The following CSMD1 variants were observed in gnomAD, a reference collection of about 807,000 sequenced individuals.
The protein encoded by CSMD1 is CUB and Sushi multiple domains 1.
A neutral mutation model predicts 417.5 loss-of-function variants in CSMD1; 213 were observed. The ratio of observed to expected loss-of-function variants is 0.51; its 90% confidence interval spans 0.46 to 0.57. The LOEUF is 0.57. Ranked by LOEUF, CSMD1 falls within the 20% of genes least tolerant of loss-of-function variation. The pLI is 0.00. For missense variants in CSMD1, 6,923 were observed against 4,529.7 expected, an observed-to-expected ratio of 1.53 and a Z score of -15.17; for synonymous variants, 2,862 against 1,736.8, an observed-to-expected ratio of 1.65 and a Z score of -16.11.
intron 3 of CSMD1, among the ~76,000 whole-genome samples, chr8:4,224,062 C>G (rs1490220471): frequency 2.0e-5 from 3 of 152,084 alleles, no homozygotes; most frequent in Admixed American, 6.5e-5. Flanking sequence ...CCTACTCAAA[C>G]AGGGCTAAAG....
intron 3 of CSMD1, among the ~76,000 whole-genome samples, chr8:4,364,340 G>A (rs1801946524): frequency 2.0e-5 from 3 of 152,202 alleles, no homozygotes; most frequent in South Asian, 4.1e-4. Flanking sequence ...AAAATAAAGA[G>A]AAATCTTACC....
intron 1 of CSMD1, among the ~76,000 whole-genome samples, chr8:4,937,725 G>A (rs765293703): frequency 3.3e-5 from 5 of 152,074 alleles, no homozygotes; most frequent in Admixed American, 1.3e-4. Context: ...CTTTACGCCT[G>A]AGCAGAGTAA....
intron 2 of CSMD1, among the ~76,000 whole-genome samples, chr8:4,576,545 C>A (rs935723500): frequency 1.3e-5 from 2 of 152,322 alleles, no homozygotes; most frequent in African/African-American, 4.8e-5. Flanking sequence ...GACTGTCTCT[C>A]ACCTTTTTTG....
chr8:4,298,847 T>C lies in CSMD1; in HGVS notation c.415+121106A>G, dbSNP rs540571634. On this transcript the variant is annotated intron_variant, in intron 3 of 69. Transcript: ENST00000635120. ...TTAAAGTATAATAAAAAATTATTTCTGGAAATACTGGTATAATTCTTTAAT... is the reference window on the plus strand; with the variant it reads ...TTAAAGTATAATAAAAAATTATTTCCGGAAATACTGGTATAATTCTTTAAT... Among the ~76,000 whole-genome samples the C allele has an allele frequency of 2.0e-5, 3 of 152,174 alleles. No homozygotes were observed. In the East Asian group the frequency reaches 5.8e-4, roughly 29 times the overall value.
chr8:4,343,747 T>C (rs1156872720), intron 3 of CSMD1, among the ~76,000 whole-genome samples: 1 of 152,058 alleles, frequency 6.6e-6, no homozygotes, highest in Non-Finnish European at 1.5e-5. Flanking sequence ...ATCATCTTGA[T>C]GTGTGCACTG....
At chr8:4,777,753 G>A (rs558726632) in intron 1 of CSMD1, among the ~76,000 whole-genome samples, 1 of 152,206 alleles carries the variant, frequency 6.6e-6, no homozygotes, top group East Asian at 1.9e-4. Context: ...TGTAATACAT[G>A]CACATGTATC....
At chr8:3,976,311 A>G (rs898500416) in intron 5 of CSMD1, among the ~76,000 whole-genome samples, 3 of 152,092 alleles carry the variant, frequency 2.0e-5, no homozygotes, top group Non-Finnish European at 4.4e-5. Context: ...TTTTTTTCTC[A>G]TAGAGTCAAT....
chr8:3,120,251 G>A (rs1817120567), intron 41 of CSMD1, among the ~76,000 whole-genome samples: 1 of 152,046 alleles, frequency 6.6e-6, no homozygotes, highest in African/African-American at 2.4e-5. Flanking sequence ...GATTACTCAG[G>A]GATTAGATTT....
intron 50 of CSMD1, among the ~76,000 whole-genome samples, chr8:3,043,397 A>G (rs918719379): frequency 2.6e-5 from 4 of 152,114 alleles, no homozygotes; most frequent in Non-Finnish European, 4.4e-5. Flanking sequence ...ATAGGTTTCT[A>G]TGACCTATAA....
intron 3 of CSMD1, among the ~76,000 whole-genome samples, chr8:4,212,097 A>C (rs901470394): frequency 6.6e-6 from 1 of 151,866 alleles, no homozygotes; most frequent in African/African-American, 2.4e-5. Flanking sequence ...ACGGAACGTA[A>C]AAGTCATGAT....
chr8:4,342,018 G>A (rs1346338475), intron 3 of CSMD1, among the ~76,000 whole-genome samples: 1 of 152,062 alleles, frequency 6.6e-6, no homozygotes, highest in East Asian at 1.9e-4. Context: ...TTAAGACTTG[G>A]TCTCAAGATA....
At chr8:4,231,540 A>G (rs941837204) in intron 3 of CSMD1, among the ~76,000 whole-genome samples, 1 of 152,172 alleles carries the variant, frequency 6.6e-6, no homozygotes, top group Non-Finnish European at 1.5e-5. Context: ...TTTTGGTGTT[A>G]AAGGCTAAGC....
intron 12 of CSMD1, among the ~76,000 whole-genome samples, chr8:3,462,065 G>C (rs751010017): frequency 6.6e-6 from 1 of 152,074 alleles, no homozygotes; most frequent in Non-Finnish European, 1.5e-5. Flanking sequence ...ACCAGTGCTA[G>C]TGCTGGGCTG....
At chr8:4,854,752 C>G (rs181770021) in intron 1 of CSMD1, among the ~76,000 whole-genome samples, 19 of 152,284 alleles carry the variant, frequency 1.2e-4, no homozygotes, top group African/African-American at 4.3e-4. Context: ...ACACCTGGCT[C>G]GGAGGGTCCT....
chr8:4,951,293 C>T (rs891984405), intron 1 of CSMD1, among the ~76,000 whole-genome samples: 4 of 152,118 alleles, frequency 2.6e-5, no homozygotes, highest in African/African-American at 7.2e-5. Flanking sequence ...AAATTGTTCA[C>T]GCTCAGTCTT....
intron 3 of CSMD1, among the ~76,000 whole-genome samples, chr8:4,107,811 G>A (rs1456301622): frequency 1.3e-5 from 2 of 152,176 alleles, no homozygotes; most frequent in Non-Finnish European, 2.9e-5. Flanking sequence ...GGCAATCTGA[G>A]CCTGCTTTAT....
intron 3 of CSMD1, among the ~76,000 whole-genome samples, chr8:4,324,643 C>G (rs953893862): frequency 1.3e-5 from 2 of 152,168 alleles, no homozygotes; most frequent in Non-Finnish European, 2.9e-5. Flanking sequence ...AGAAAACAAA[C>G]AAACACTGCT....
intron 1 of CSMD1, among the ~76,000 whole-genome samples, chr8:4,856,758 T>C (rs1305057612): frequency 6.7e-6 from 1 of 149,396 alleles, no homozygotes; most frequent in Non-Finnish European, 1.5e-5. Flanking sequence ...GCACCAAGAT[T>C]CATAAAGCAA....
chr8:4,299,174 G>A (rs1356943352), intron 3 of CSMD1, among the ~76,000 whole-genome samples: 3 of 152,128 alleles, frequency 2.0e-5, no homozygotes, highest in Admixed American at 6.6e-5. Context: ...AAGAAACGTT[G>A]TAAGAAATTT....
Sources: gnomAD v4.1 joint callset for allele counts (sites outside exome capture counted in the v4.1 genomes callset) on GRCh38, gnomAD v4.1.1 for gene constraint, MANE v1.5 for transcripts, NCBI Gene and HGNC (gene_info 2026-07-23, HGNC 2026-07-21) for gene names.